HTR3B: variants seen among roughly 807,000 people sequenced by gnomAD.
HTR3B encodes 5-hydroxytryptamine receptor 3B, also known as 5-hydroxytryptamine (serotonin) receptor 3B, ionotropic.
HTR3B carries 44 observed loss-of-function variants against 42.8 expected under a neutral mutation model. The ratio of observed to expected loss-of-function variants is 1.03; its 90% confidence interval spans 0.81 to 1.32. The LOEUF (loss-of-function observed/expected upper bound fraction) is 1.32, where lower values mean the gene tolerates loss of function less well. Ranked by LOEUF, HTR3B falls within the 40% of genes most tolerant of loss-of-function variation. The pLI, the probability that HTR3B is intolerant of heterozygous loss-of-function variation, is 0.00. For missense variants in HTR3B, 527 were observed against 536.5 expected, an observed-to-expected ratio of 0.98 and a Z score of 0.17; for synonymous variants, 203 against 209.0, an observed-to-expected ratio of 0.97 and a Z score of 0.25.
chr11:113,902,918 G>C (rs1157453649), upstream of HTR3B, among the ~76,000 whole-genome samples: 1 of 151,938 alleles, frequency 6.6e-6, no homozygotes, highest in East Asian at 1.9e-4. Flanking sequence ...GCCCAGGCTG[G>C]AGTGCAGTGG....
At chr11:113,944,313 C>T (rs896948117) in intron 7 of HTR3B, among the ~76,000 whole-genome samples, 5 of 152,052 alleles carry the variant, frequency 3.3e-5, no homozygotes, top group Admixed American at 1.3e-4. Flanking sequence ...CCACCAAGTC[C>T]GGCCGTGAGG....
At chr11:113,919,598 G>A (rs754893107) in intron 2 of HTR3B, among the ~76,000 whole-genome samples, 34 of 152,142 alleles carry the variant, frequency 2.2e-4, no homozygotes, top group Admixed American at 7.2e-4. Flanking sequence ...GGAGGCCGAG[G>A]CAGGTGGATC....
Position 113,932,986 on chromosome 11 carries a change from G to T in HTR3B, c.589G>T (p.Asp197Tyr). The T allele has an allele frequency of 6.2e-7, 1 of 1,614,112 alleles. No individual in the cohort carries two copies. The highest frequency in any genetic ancestry group is 8.5e-7 in the Non-Finnish European group (1 of 1,180,010). Residue 197 changes from aspartate (D) to tyrosine (Y), a missense_variant, in exon 6 of 9, where the codon GAC becomes TAC. By Grantham distance (160) the Asp-to-Tyr change is radical. Coordinates refer to ENST00000260191, the MANE Select transcript of HTR3B (RefSeq NM_006028.5). The part of the protein sequence containing the change: ...FLRSPEDIQH[D>Y]KKAFLNDSEW... ...GAGGAGCCCAGAAGACATTCAGCAT[G>T]ACAAAAAGGCGTTTTTGAATGACAG...
chr11:113,931,362 G>C (rs1950033463), intron 2 of HTR3B, 22 bp from the exon 3 acceptor site: 1 of 1,579,918 alleles, frequency 6.3e-7, no homozygotes. Context: ...GATTTGGAGT[G>C]GATTTTCTTT....
At chr11:113,918,290 T>G (rs1470901024) in intron 2 of HTR3B, among the ~76,000 whole-genome samples, 1 of 151,414 alleles carries the variant, frequency 6.6e-6, no homozygotes, top group Non-Finnish European at 1.5e-5. Flanking sequence ...TGTGTGTGTG[T>G]GTGTGTAGTT....
At position 113,932,165 on chromosome 11, in the gene HTR3B, G is replaced by C. The variant is rs1048183455; in HGVS notation, c.369-124G>C. The stretch of plus-strand genomic sequence containing the variant: ...GGGTGAATCATCTCATGGAAAATGC[G>C]ATTCTGTTTTGCAGGGCTAGGCTGG... On this transcript the variant is annotated intron_variant, in intron 4 of 8. Coordinates refer to ENST00000260191, the MANE Select transcript of HTR3B (RefSeq NM_006028.5). 32 of 767,902 alleles carry C rather than the reference G, an allele frequency of 4.2e-5. 1 individual carries two copies. Among genetic ancestry groups the C allele is most frequent in the Admixed American group, 3.8e-4 (16 of 41,654 alleles). The allele number at this position is 767,902 out of a possible 1,614,324, so 47.6% of individuals were successfully genotyped here. A position where few individuals can be genotyped will look rare whatever the true frequency, so the allele number is the denominator to read the frequency against.
rs1378183075 is a variant in HTR3B at position 113,933,018 on chromosome 11, G to C, written c.621G>C (p.Trp207Cys). ...AGGCGTTTTTGAATGACAGTGAGTG[G>C]GAACTTCTATCTGTGTCCTCCACAT... Reference protein sequence around the residue: ...DKKAFLNDSEWELLSVSSTYS... With the variant: ...DKKAFLNDSECELLSVSSTYS... The change falls in exon 6 of 9, where the codon TGG becomes TGC. Residue 207 changes from tryptophan (W) to cysteine (C), a missense_variant. Transcript: ENST00000260191. The C allele has an allele frequency of 1.2e-6, 2 of 1,613,990 alleles. No individual in the cohort carries two copies. Among genetic ancestry groups the C allele is most frequent in the African/African-American group, 2.7e-5 (2 of 74,898 alleles).
At chr11:113,940,846 C>T (rs1200334441) in intron 6 of HTR3B, among the ~76,000 whole-genome samples, 1 of 152,222 alleles carries the variant, frequency 6.6e-6, no homozygotes, top group Non-Finnish European at 1.5e-5. Context: ...CTTTGTGACA[C>T]TCTTCTCCAG....
In HTR3B at chr11:113,932,439, CA is replaced by C. The variant is rs1950045672; in HGVS notation, c.521del (p.Lys174ArgfsTer10). 1.2e-6 allele frequency: 2 copies of C among 1,613,910 alleles called. No individual in the cohort carries two copies. The highest frequency in any genetic ancestry group is 1.7e-6 in the Non-Finnish European group (2 of 1,179,882). On this transcript the variant is annotated frameshift_variant, in exon 5 of 9. Transcript: ENST00000260191. LOFTEE classifies it high-confidence loss of function. Reference sequence around the variant, plus strand: ...ATGTCCAGAATTGCAGCCTGACCTTCAAGAGCATTCTGCATACAGGTAAACC... The same window carrying C: ...ATGTCCAGAATTGCAGCCTGACCTTCAGAGCATTCTGCATACAGGTAAACC... ...FDVQNCSLTF[K>X]SILHTVEDVD...
chr11:113,944,740 C>T lies in HTR3B; in HGVS notation c.1075C>T (p.Arg359Cys), dbSNP rs750582398. Residue 359 changes from arginine (R) to cysteine (C), a missense_variant, in exon 8 of 9, where the codon CGT (arginine) becomes TGT (cysteine). Physicochemically the swap from Arg to Cys is radical, Grantham distance 180 (BLOSUM62 -3). Coordinates refer to ENST00000260191, the MANE Select transcript of HTR3B (RefSeq NM_006028.5). Reference sequence around the variant, plus strand: ...GCCTAGAGTGGAACCCAGGGCCCAACGTGCTGTGGTAACAGGTGTGTGAGA... The same window carrying T: ...GCCTAGAGTGGAACCCAGGGCCCAATGTGCTGTGGTAACAGGTGTGTGAGA... Reference protein sequence around the residue: ...DRPRVEPRAQRAVVTESSLYG... With the variant: ...DRPRVEPRAQCAVVTESSLYG... 12 of 1,614,036 alleles carry T rather than the reference C, an allele frequency of 7.4e-6. No homozygotes were observed. Among genetic ancestry groups the T allele is most frequent in the South Asian group, 3.3e-5 (3 of 91,068 alleles).
At chr11:113,942,319 C>A (rs1950142474) in intron 6 of HTR3B, among the ~76,000 whole-genome samples, 1 of 152,096 alleles carries the variant, frequency 6.6e-6, no homozygotes. Flanking sequence ...AAAAAATAAG[C>A]CGGGCATGGT....
intron 6 of HTR3B, among the ~76,000 whole-genome samples, chr11:113,937,857 C>G (rs1170933702): frequency 6.6e-6 from 1 of 152,174 alleles, no homozygotes; most frequent in East Asian, 1.9e-4. Flanking sequence ...CTGGGTGGCT[C>G]AAAACAACAG....
chr11:113,904,800 C>T lies in HTR3B; in HGVS notation c.-134C>T, dbSNP rs1158976470. On this transcript the variant is annotated 5_prime_UTR_variant, in exon 1 of 9. Coordinates refer to ENST00000260191, the MANE Select transcript of HTR3B (RefSeq NM_006028.5). Reference sequence around the variant, plus strand: ...CCCACTGAGTGTTTACAAAATAGCACCAGTAAGGATAGCATCAACTGGCAA... The same window carrying T: ...CCCACTGAGTGTTTACAAAATAGCATCAGTAAGGATAGCATCAACTGGCAA... 2.9e-6 allele frequency: 2 copies of T among 697,848 alleles called. No homozygotes were observed. The highest frequency in any genetic ancestry group is 3.5e-5 in the African/African-American group (2 of 56,558). 43.2% of individuals were successfully genotyped at this position (697,848 alleles called of 1,614,324 possible).
chr11:113,940,103 T>A (rs773610325), intron 6 of HTR3B, among the ~76,000 whole-genome samples: 1 of 152,034 alleles, frequency 6.6e-6, no homozygotes, highest in Non-Finnish European at 1.5e-5. Flanking sequence ...GTCAGGTTGG[T>A]CTCAAACTCC....
intron 6 of HTR3B, among the ~76,000 whole-genome samples, chr11:113,936,433 CTGTTA>C (rs1490294281): frequency 6.6e-6 from 1 of 152,044 alleles, no homozygotes; most frequent in Non-Finnish European, 1.5e-5. Context: ...TCCTCTTTTT[CTGTTA>C]TAATTTTTTT....
At chr11:113,912,347 C>T (rs1332238599) in intron 2 of HTR3B, among the ~76,000 whole-genome samples, 1 of 152,034 alleles carries the variant, frequency 6.6e-6, no homozygotes, top group African/African-American at 2.4e-5. Context: ...GGGTTCACGC[C>T]ATTCTCCTGC....
intron 6 of HTR3B, among the ~76,000 whole-genome samples, chr11:113,941,581 AC>A (rs1052623918): frequency 2.6e-5 from 4 of 151,706 alleles, no homozygotes; most frequent in Admixed American, 2.6e-4. Flanking sequence ...GCACTCCTCC[AC>A]CCCCTGCATC....
At chr11:113,924,624 C>A (rs1192384832) in intron 2 of HTR3B, among the ~76,000 whole-genome samples, 97 of 52,190 alleles carry the variant, frequency 1.9e-3, no homozygotes, top group Admixed American at 4.1e-3. Flanking sequence ...GACCTTGTCT[C>A]AAAAAAAAAA....
chr11:113,910,815 C>T (rs916505429), intron 2 of HTR3B, among the ~76,000 whole-genome samples: 19 of 148,176 alleles, frequency 1.3e-4, no homozygotes, highest in African/African-American at 4.7e-4. Flanking sequence ...ATTTACTTCT[C>T]AAAAATTGTT....
Sources: gnomAD v4.1 joint callset for allele counts (sites outside exome capture counted in the v4.1 genomes callset) on GRCh38, gnomAD v4.1.1 for gene constraint, MANE v1.5 for transcripts, NCBI Gene and HGNC (gene_info 2026-07-23, HGNC 2026-07-21) for gene names.